The following CHN2 variants were observed in gnomAD, a reference collection of about 807,000 sequenced individuals.
CHN2 encodes the protein beta-chimaerin.
In CHN2, 35 loss-of-function variants were observed where a neutral mutation model predicts 56.3. The observed-to-expected ratio is 0.62, with a 90% CI of 0.47 to 0.82. The LOEUF (loss-of-function observed/expected upper bound fraction) is 0.82. Among genes scored for constraint, CHN2 ranks in the 40% least tolerant of loss-of-function variants. The probability of loss-of-function intolerance (pLI) is 0.00; values close to 1 mark genes in which losing one functional copy is unlikely to be tolerated. For missense variants in CHN2, 491 were observed against 580.5 expected (o/e 0.85, Z 1.58); for synonymous variants, 210 against 212.8 (o/e 0.99, Z 0.12).
intron 12 of CHN2, among the ~76,000 whole-genome samples, chr7:29,512,147 T>A (rs1003914578): frequency 6.7e-6 from 1 of 150,018 alleles, no homozygotes; most frequent in African/African-American, 2.5e-5. Context: ...CTTCCCACTC[T>A]CCAGCATACA....
chr7:29,469,441 A>G (rs999805258), intron 6 of CHN2, among the ~76,000 whole-genome samples: 1 of 152,186 alleles, frequency 6.6e-6, no homozygotes, highest in Non-Finnish European at 1.5e-5. Flanking sequence ...TGAAAGTGGG[A>G]GTCCCATTCC....
At chr7:29,321,705 G>T (rs925088062) in intron 1 of CHN2, among the ~76,000 whole-genome samples, 2 of 151,740 alleles carry the variant, frequency 1.3e-5, no homozygotes, top group African/African-American at 2.4e-5. Context: ...GGAGTAGCTG[G>T]GATTACAGGC....
At chr7:29,331,359 A>G (rs1258846904) in intron 1 of CHN2, among the ~76,000 whole-genome samples, 1 of 152,200 alleles carries the variant, frequency 6.6e-6, no homozygotes, top group Non-Finnish European at 1.5e-5. Flanking sequence ...GGAGGGGGCA[A>G]CAAGAGGAAA....
chr7:29,375,378 TAG>T (rs1374187714), intron 3 of CHN2, among the ~76,000 whole-genome samples: 25 of 151,098 alleles, frequency 1.7e-4, no homozygotes, highest in Admixed American at 1.7e-3. Context: ...GTATTTTTAG[TAG>T]AGACAGGGTT....
At chr7:29,377,181 G>T (rs1452793377) in intron 3 of CHN2, among the ~76,000 whole-genome samples, 1 of 152,028 alleles carries the variant, frequency 6.6e-6, no homozygotes, top group African/African-American at 2.4e-5. Flanking sequence ...CTGCCACCAT[G>T]CCTGGCTAAT....
At chr7:29,215,854 A>G (rs39059) in intron 1 of CHN2, among the ~76,000 whole-genome samples, 49,416 of 151,910 alleles carry the variant, frequency 0.33, 8,624 homozygotes, top group Admixed American at 0.41. Flanking sequence ...TAAATTATGC[A>G]CTCTTCTTCC....
intron 1 of CHN2, 43 bp downstream of exon 1, chr7:29,195,033 G>A (rs547827658): frequency 6.4e-7 from 1 of 1,565,090 alleles, no homozygotes; most frequent in Admixed American, 1.8e-5. Flanking sequence ...GCCGGGTCTC[G>A]CCCCACTGCC....
intron 1 of CHN2, among the ~76,000 whole-genome samples, chr7:29,213,463 A>G (rs1411272687): frequency 6.6e-6 from 1 of 152,226 alleles, no homozygotes; most frequent in Non-Finnish European, 1.5e-5. Flanking sequence ...TACTAAGGAC[A>G]ACATGATAGA....
At chr7:29,320,041 A>T (rs542351371) in intron 1 of CHN2, among the ~76,000 whole-genome samples, 2 of 152,262 alleles carry the variant, frequency 1.3e-5, no homozygotes, top group Admixed American at 1.3e-4. Context: ...AACTCTGCTC[A>T]GCACTTACAT....
At chr7:29,437,614 G>A (rs1187837826) in intron 6 of CHN2, among the ~76,000 whole-genome samples, 29 of 140,730 alleles carry the variant, frequency 2.1e-4, no homozygotes, top group East Asian at 1.5e-3. Flanking sequence ...AAAAAAAAAA[G>A]ATATCTAAAA....
chr7:29,466,491 A>T (rs994550169), intron 6 of CHN2, among the ~76,000 whole-genome samples: 5 of 152,180 alleles, frequency 3.3e-5, no homozygotes, highest in Non-Finnish European at 7.3e-5. Flanking sequence ...TTCTTCAGGG[A>T]TTTAACCTAA....
chr7:29,222,200 G>A (rs1346562077), intron 1 of CHN2, among the ~76,000 whole-genome samples: 2 of 152,040 alleles, frequency 1.3e-5, no homozygotes, highest in Non-Finnish European at 2.9e-5. Flanking sequence ...CACTGCTCAA[G>A]GAAATCAGAG....
At chr7:29,218,467 G>T (rs919441920) in intron 1 of CHN2, among the ~76,000 whole-genome samples, 2 of 152,122 alleles carry the variant, frequency 1.3e-5, no homozygotes, top group Non-Finnish European at 2.9e-5. Context: ...ATACCCAAAA[G>T]ATTATAAATC....
rs925054809 is a variant in CHN2 at position 29,399,545 on chromosome 7, G to A, written c.291-998G>A. On this transcript the variant is annotated intron_variant, in intron 5 of 12. Transcript: ENST00000222792. ...TATTTTCTGTCATTTGATCCTCGCC[G>A]TAGCCCTATACATTTCGGGGAAGGT... Among the ~76,000 whole-genome samples the A allele has an allele frequency of 5.5e-4, 83 of 152,236 alleles. 1 individual carries two copies. The highest frequency in any genetic ancestry group is 1.9e-4 in the East Asian group (1 of 5,180).
intron 1 of CHN2, among the ~76,000 whole-genome samples, chr7:29,331,397 A>G (rs1796199614): frequency 6.6e-6 from 1 of 152,228 alleles, no homozygotes; most frequent in Non-Finnish European, 1.5e-5. Flanking sequence ...GGGGACGGCT[A>G]GAGCCACAGA....
At chr7:29,485,591 T>A (rs1787874952) in intron 7 of CHN2, among the ~76,000 whole-genome samples, 1 of 152,036 alleles carries the variant, frequency 6.6e-6, no homozygotes, top group African/African-American at 2.4e-5. Context: ...GATAAATAGA[T>A]CAAGGATGGT....
intron 2 of CHN2, among the ~76,000 whole-genome samples, chr7:29,152,841 C>T (rs1793792009): frequency 6.6e-6 from 1 of 152,310 alleles, no homozygotes; most frequent in African/African-American, 2.4e-5. Flanking sequence ...CCTTGTTATT[C>T]GTGGATTCCA....
At chr7:29,260,424 G>T (rs755492144) in intron 1 of CHN2, among the ~76,000 whole-genome samples, 5 of 152,240 alleles carry the variant, frequency 3.3e-5, no homozygotes, top group African/African-American at 1.2e-4. Flanking sequence ...TTCATTTGCG[G>T]AACTGGGTAA....
intron 6 of CHN2, among the ~76,000 whole-genome samples, chr7:29,435,823 G>A (rs1783175574): frequency 6.6e-6 from 1 of 150,912 alleles, no homozygotes; most frequent in East Asian, 1.9e-4. Context: ...ACTGCCAGCA[G>A]CAGCCAAATA....
Sources: gnomAD v4.1 joint callset for allele counts (sites outside exome capture counted in the v4.1 genomes callset) on GRCh38, gnomAD v4.1.1 for gene constraint, MANE v1.5 for transcripts, NCBI Gene and HGNC (gene_info 2026-07-23, HGNC 2026-07-21) for gene names.